The following ACTB variants were observed in gnomAD, a reference collection of about 807,000 sequenced individuals.
The protein encoded by ACTB is actin beta, also known as actin, cytoplasmic 1.
In ACTB, 2 loss-of-function variants were observed where a neutral mutation model predicts 30.5. The ratio of observed to expected loss-of-function variants is 0.07; its 90% CI spans 0.03 to 0.21. ACTB has a LOEUF of 0.21. Among genes scored for constraint, ACTB ranks in the 10% least tolerant of loss-of-function variants. The pLI is 1.00. For synonymous variants in ACTB, 335 were observed against 217.6 expected, an observed-to-expected ratio of 1.54 and a Z score of -4.75; for missense variants, 56 against 530.0, an observed-to-expected ratio of 0.11 and a Z score of 8.78.
intron 2 of ACTB, 33 bp from the exon 3 acceptor site, chr7:5,529,433 G>C (rs774497637): frequency 3.7e-6 from 6 of 1,613,662 alleles, no homozygotes; most frequent in Admixed American, 1.7e-5. Context: ...CCCTGAGCAC[G>C]GGCGCAGCCC....
In ACTB at chr7:5,530,597, G is replaced by C. The variant is rs1784874772; in HGVS notation, c.-80C>G. 6.6e-6 allele frequency: 1 copy of C among 152,076 alleles called. No homozygotes were observed. The highest frequency in any genetic ancestry group is 1.5e-5 in the Non-Finnish European group (1 of 67,954). The allele number at this position is 152,076 out of a possible 1,614,324, so 9.4% of individuals were successfully genotyped here. On this transcript the variant is annotated 5_prime_UTR_variant, in exon 1 of 6. Coordinates refer to ENST00000646664, the MANE Select transcript of ACTB (RefSeq NM_001101.5). ...TGCTCGCGGGGCGGACGCGGTCTCG[G>C]CGGTGGTGGCGCGTCGCGCCGCTGG... is the stretch of plus-strand genomic sequence containing the variant.
rs1188078226 is a variant in ACTB, at chr7:5,529,640, G to C, written c.18C>G (p.Ala6=). The C allele has an allele frequency of 6.2e-7, 1 of 1,611,250 alleles. No homozygotes were observed. The highest frequency in any genetic ancestry group is 1.3e-5 in the African/African-American group (1 of 74,876). Residue 6 remains alanine (A), a synonymous_variant, in exon 2 of 6, where the codon GCC becomes GCG. Transcript: ENST00000646664. ...CGGAGCCGTTGTCGACGACGAGCGC[G>C]GCGATATCATCATCCATGGTGAGCT... MDDDI[A]ALVVDNGSGM...
At position 5,528,468 on chromosome 7, in the gene ACTB, C is replaced by T. The variant is rs55701919; in HGVS notation, c.615G>A (p.Glu205=). 6.2e-7 allele frequency: 1 copy of T among 1,614,090 alleles called. No homozygotes were observed. Among genetic ancestry groups the T allele is most frequent in the African/African-American group, 1.3e-5 (1 of 75,054 alleles). Residue 205 remains glutamate (E), a synonymous_variant, in exon 4 of 6, where the codon GAG becomes GAA. Coordinates refer to ENST00000646664, the MANE Select transcript of ACTB (RefSeq NM_001101.5). ...CCTTAATGTCACGCACGATTTCCCG[C>T]TCGGCCGTGGTGGTGAAGCTGTAGC... ...ERGYSFTTTA[E]REIVRDIKEK... is the part of the protein sequence containing the mutation.
At position 5,529,613 on chromosome 7, in the gene ACTB, G is replaced by A; in HGVS notation, c.45C>T (p.Gly15=). 1.2e-6 allele frequency: 2 copies of A among 1,611,540 alleles called. No homozygotes were observed. The highest frequency in any genetic ancestry group is 1.7e-6 in the Non-Finnish European group (2 of 1,179,756). Residue 15 remains glycine (G), a synonymous_variant, in exon 2 of 6, where the codon GGC becomes GGT. Coordinates refer to ENST00000646664, the MANE Select transcript of ACTB (RefSeq NM_001101.5). The part of the protein sequence containing the change: ...IAALVVDNGS[G]MCKAGFAGDD... ...CGCCCGCGAAGCCGGCCTTGCACAT[G>A]CCGGAGCCGTTGTCGACGACGAGCG...
intron 4 of ACTB, 46 bp from the exon 5 acceptor site, chr7:5,528,231 C>T (rs372006500): frequency 9.9e-6 from 16 of 1,613,674 alleles, no homozygotes; most frequent in East Asian, 6.7e-5. Context: ...AGCACAGCCC[C>T]GAGGGGTAAC....
At chr7:5,530,328 G>A (rs1411005604) in intron 1 of ACTB, among the ~76,000 whole-genome samples, 196 bp downstream of exon 1, 3 of 151,976 alleles carry the variant, frequency 2.0e-5, no homozygotes, top group East Asian at 3.9e-4. Flanking sequence ...GCGCGGCCTC[G>A]CGCCTCCGAA....
In ACTB at chr7:5,528,659, G is replaced by A. The variant is rs1784815698; in HGVS notation, c.424C>T (p.Leu142=). Residue 142 remains leucine, a synonymous_variant, in exon 4 of 6, where the codon CTG becomes TTG. Transcript: ENST00000646664. The stretch of plus-strand genomic sequence containing the variant: ...CCAGTGGTACGGCCAGAGGCGTACA[G>A]GGATAGCACAGCCTGGATAGCAACG... ...MYVAIQAVLS[L]YASGRTTGIV... The A allele has an allele frequency of 1.2e-6, 2 of 1,614,012 alleles. No homozygotes were observed. The highest frequency in any genetic ancestry group is 1.7e-6 in the Non-Finnish European group (2 of 1,180,026).
intron 1 of ACTB, among the ~76,000 whole-genome samples, chr7:5,530,149 C>A (rs1784859469): frequency 6.6e-6 from 1 of 152,008 alleles, no homozygotes; most frequent in Non-Finnish European, 1.5e-5. Context: ...ACGCAGTTAG[C>A]GCCCAAAGGA....
intron 3 of ACTB, 57 bp from the exon 4 acceptor site, chr7:5,528,776 C>A: frequency 6.3e-7 from 1 of 1,584,552 alleles, no homozygotes; most frequent in Non-Finnish European, 8.7e-7. Context: ...ACAGCCAGGC[C>A]AGACGGGGGA....
Position 5,529,260 on chromosome 7 carries a change from G to A in ACTB, c.264C>T (p.His88=), listed in dbSNP as rs574137728. Residue 88 remains histidine, a synonymous_variant, in exon 3 of 6, where the codon CAC becomes CAT. Coordinates refer to ENST00000646664, the MANE Select transcript of ACTB (RefSeq NM_001101.5). ...CCACACGCAGCTCATTGTAGAAGGT[G>A]TGGTGCCAGATTTTCTCCATGTCGT... ...NWDDMEKIWH[H]TFYNELRVAP... 5 of 1,614,070 alleles carry A rather than the reference G, an allele frequency of 3.1e-6. No homozygotes were observed. In the Admixed American group the frequency reaches 6.7e-5, roughly 22 times the overall value.
intron 1 of ACTB, chr7:5,529,867 A>C (rs976122690): frequency 2.4e-6 from 2 of 835,800 alleles, no homozygotes; most frequent in Non-Finnish European, 1.9e-6. Context: ...CCAGGCCCCA[A>C]CCCCCTCCCA....
intron 5 of ACTB, 47 bp from the exon 6 acceptor site, chr7:5,527,938 TC>T (rs1181755027): frequency 1.2e-5 from 20 of 1,612,740 alleles, no homozygotes; most frequent in Non-Finnish European, 1.6e-5. Context: ...ATGTGACAGC[TC>T]CCCACACACC....
chr7:5,527,703 A>G lies in ACTB; in HGVS notation c.*45T>C. On this transcript the variant is annotated 3_prime_UTR_variant, in exon 6 of 6. Coordinates refer to ENST00000646664, the MANE Select transcript of ACTB (RefSeq NM_001101.5). ...TCTCATCTTGTTTTCTGCGCAAGTT[A>G]GGTTTTGTCAAGAAAGGGTGTAACG... 1 of 1,611,832 alleles carries G rather than the reference A, an allele frequency of 6.2e-7. No individual in the cohort carries two copies. Among genetic ancestry groups the G allele is most frequent in the Non-Finnish European group, 8.5e-7 (1 of 1,179,454 alleles).
At chr7:5,527,949 C>A in intron 5 of ACTB, 55 bp downstream of exon 5, 1 of 1,613,098 alleles carries the variant, frequency 6.2e-7, no homozygotes, top group Non-Finnish European at 8.5e-7. Context: ...CCCCACACAC[C>A]ACAGGACCCC....
chr7:5,528,696 G>A lies in ACTB; in HGVS notation c.387C>T (p.Thr129=), dbSNP rs147400398. 6 of 1,613,714 alleles carry A rather than the reference G, an allele frequency of 3.7e-6. No individual in the cohort carries two copies. The highest frequency in any genetic ancestry group is 4.2e-6 in the Non-Finnish European group (5 of 1,180,036). ...CCTGGATAGCAACGTACATGGCTGG[G>A]GTGTTGAAGGTCTCAAACATGATCT... is the stretch of plus-strand genomic sequence containing the variant. ...MTQIMFETFN[T]PAMYVAIQAV... The change falls in exon 4 of 6, where the codon ACC becomes ACT. Residue 129 remains threonine (T), a synonymous_variant. Coordinates refer to ENST00000646664, the MANE Select transcript of ACTB (RefSeq NM_001101.5).
At chr7:5,529,790 C>T (rs964606704) in intron 1 of ACTB, 127 bp from the exon 2 acceptor site, 15 of 1,471,868 alleles carry the variant, frequency 1.0e-5, no homozygotes, top group Non-Finnish European at 1.3e-5. Context: ...GGAAGCCGGG[C>T]CGGCCGCGTT....
intron 1 of ACTB, 35 bp from the exon 2 acceptor site, chr7:5,529,698 T>C (rs2128241477): frequency 1.2e-6 from 2 of 1,610,108 alleles, no homozygotes; most frequent in Non-Finnish European, 1.7e-6. Context: ...TGAGCCGAGG[T>C]CGCCCCCGCC....
rs1197579915 is a variant in ACTB at position 5,528,705 on chromosome 7, G to C, written c.378C>G (p.Thr126=). 1 of 1,613,754 alleles carries C rather than the reference G, an allele frequency of 6.2e-7. No individual in the cohort carries two copies. The highest frequency in any genetic ancestry group is 8.5e-7 in the Non-Finnish European group (1 of 1,180,020). ...REKMTQIMFE[T]FNTPAMYVAI... ...CAACGTACATGGCTGGGGTGTTGAA[G>C]GTCTCAAACATGATCTGTAAGGCAG... The change falls in exon 4 of 6, where the codon ACC becomes ACG. Residue 126 remains threonine, a synonymous_variant. Coordinates refer to ENST00000646664, the MANE Select transcript of ACTB (RefSeq NM_001101.5).
chr7:5,529,823 G>A (rs370942680), intron 1 of ACTB, 160 bp from the exon 2 acceptor site: 5 of 1,200,914 alleles, frequency 4.2e-6, no homozygotes, highest in East Asian at 2.6e-5. Flanking sequence ...GGCAAACACT[G>A]GTCGGAGGCG....
Sources: gnomAD v4.1 joint callset for allele counts (sites outside exome capture counted in the v4.1 genomes callset) on GRCh38, gnomAD v4.1.1 for gene constraint, MANE v1.5 for transcripts, NCBI Gene and HGNC (gene_info 2026-07-23, HGNC 2026-07-21) for gene names.